The following MINDY4 variants were observed in gnomAD, a reference collection of about 807,000 sequenced individuals.
The protein encoded by MINDY4 is MINDY lysine 48 deubiquitinase 4.
MINDY4 carries 68 observed loss-of-function variants against 87.0 expected under a neutral mutation model. The ratio of observed to expected loss-of-function variants is 0.78; its 90% CI spans 0.64 to 0.96. The LOEUF is 0.96. Ranked by LOEUF, MINDY4 falls within the 40% of genes least tolerant of loss-of-function variation. The pLI, the probability that MINDY4 is intolerant of heterozygous loss-of-function variation, is 0.00. For synonymous variants in MINDY4, 379 were observed against 363.2 expected (o/e 1.04, Z -0.50); for missense variants, 919 against 928.2 (o/e 0.99, Z 0.13).
At chr7:30,837,054 G>T (rs183598653) in intron 7 of MINDY4, among the ~76,000 whole-genome samples, 1 of 152,164 alleles carries the variant, frequency 6.6e-6, no homozygotes, top group East Asian at 1.9e-4. Flanking sequence ...TGTGGGCACC[G>T]TTAGGGTGTG....
At chr7:30,820,830 C>G (rs1356074275) in intron 5 of MINDY4, among the ~76,000 whole-genome samples, 1 of 152,190 alleles carries the variant, frequency 6.6e-6, no homozygotes, top group African/African-American at 2.4e-5. Context: ...GTTTGAGTCC[C>G]TGTTTTCAGT....
intron 4 of MINDY4, among the ~76,000 whole-genome samples, chr7:30,787,404 C>G (rs994202424): frequency 2.6e-5 from 4 of 152,182 alleles, no homozygotes; most frequent in Non-Finnish European, 1.5e-5. Flanking sequence ...GATGTTTAAT[C>G]TTGTGGGAGG....
intron 1 of MINDY4, among the ~76,000 whole-genome samples, chr7:30,776,895 A>T (rs1181312234): frequency 6.6e-6 from 1 of 152,134 alleles, no homozygotes; most frequent in African/African-American, 2.4e-5. Context: ...GGGCGAATGA[A>T]GTTTGAATGG....
chr7:30,873,796 C>T (rs776934205), intron 14 of MINDY4, among the ~76,000 whole-genome samples: 3 of 152,164 alleles, frequency 2.0e-5, no homozygotes, highest in Non-Finnish European at 4.4e-5. Flanking sequence ...GATGGGAAAA[C>T]TCGAACTTGC....
chr7:30,873,829 C>T (rs1243577836), intron 14 of MINDY4, among the ~76,000 whole-genome samples: 3 of 152,206 alleles, frequency 2.0e-5, no homozygotes, highest in Non-Finnish European at 4.4e-5. Context: ...GTGCCTTTCT[C>T]AGCAGCTGCT....
intron 6 of MINDY4, among the ~76,000 whole-genome samples, chr7:30,830,464 G>A (rs971525681): frequency 6.6e-6 from 1 of 152,204 alleles, no homozygotes; most frequent in Non-Finnish European, 1.5e-5. Context: ...TTGACTCACA[G>A]TTCAGCATGG....
intron 15 of MINDY4, among the ~76,000 whole-genome samples, chr7:30,876,289 C>T (rs535881399): frequency 6.6e-6 from 1 of 152,260 alleles, no homozygotes; most frequent in South Asian, 2.1e-4. Flanking sequence ...TGTGTCTTTT[C>T]TTATACAGAC....
chr7:30,826,697 T>A (rs1027383366), intron 5 of MINDY4, among the ~76,000 whole-genome samples: 19 of 152,188 alleles, frequency 1.2e-4, no homozygotes, highest in African/African-American at 4.3e-4. Flanking sequence ...CGCCTGGGTT[T>A]AAATTCCTGT....
chr7:30,837,792 C>T (rs1402074967), intron 7 of MINDY4, among the ~76,000 whole-genome samples: 2 of 152,214 alleles, frequency 1.3e-5, no homozygotes, highest in Non-Finnish European at 2.9e-5. Context: ...CACGTGGCCT[C>T]TGGAAAGCAG....
At position 30,840,404 on chromosome 7, in the gene MINDY4, C is replaced by G. The variant is rs1157552878; in HGVS notation, c.1357-356C>G. Among the ~76,000 whole-genome samples the G allele has an allele frequency of 2.6e-5, 4 of 152,306 alleles. No homozygotes were observed. The East Asian group carries it at 7.7e-4, about 29-fold the overall frequency. On this transcript the variant is annotated intron_variant, in intron 8 of 17. Transcript: ENST00000265299. ...AGAACTTTAGGATGGGCCTTGAAGG[C>G]TGGGTAGACAATTAACACCCTCAAC...
Position 30,856,213 on chromosome 7 carries a change from T to C in MINDY4, c.1677+2754T>C, listed in dbSNP as rs182692386. 8.1e-4 allele frequency among the ~76,000 whole-genome samples: 123 copies of C among 152,110 alleles called. 1 individual carries two copies. The highest frequency in any genetic ancestry group is 2.8e-3 in the African/African-American group (116 of 41,364). On this transcript the variant is annotated intron_variant, in intron 12 of 17. Transcript: ENST00000265299. Reference sequence around the variant, plus strand: ...AGTGGCACCACTTTCTAGACCCTGATGGCAGTTTTCAGGCCAGTTGCCTTG... The same window carrying C: ...AGTGGCACCACTTTCTAGACCCTGACGGCAGTTTTCAGGCCAGTTGCCTTG...
At chr7:30,866,076 G>C (rs955726037) in intron 13 of MINDY4, among the ~76,000 whole-genome samples, 1 of 152,226 alleles carries the variant, frequency 6.6e-6, no homozygotes, top group Non-Finnish European at 1.5e-5. Flanking sequence ...CAGCCACTGA[G>C]CTGTGAGGAC....
At chr7:30,835,077 C>T (rs1394150253) in intron 6 of MINDY4, among the ~76,000 whole-genome samples, 1 of 152,244 alleles carries the variant, frequency 6.6e-6, no homozygotes, top group Non-Finnish European at 1.5e-5. Context: ...TTTCGGATAT[C>T]TTTTCAGCAG....
At chr7:30,890,883 A>G (rs1790775853) in intron 17 of MINDY4, among the ~76,000 whole-genome samples, 1 of 152,184 alleles carries the variant, frequency 6.6e-6, no homozygotes, top group African/African-American at 2.4e-5. Context: ...TTACTTTGGG[A>G]GAACCTGTTC....
chr7:30,843,730 C>T (rs903301781), intron 9 of MINDY4, among the ~76,000 whole-genome samples: 6 of 151,710 alleles, frequency 4.0e-5, no homozygotes, highest in African/African-American at 1.5e-4. Context: ...AACTGCTAAG[C>T]TGGAGGAGTG....
At chr7:30,859,156 C>T (rs763786587) in intron 12 of MINDY4, 101 bp from the exon 13 acceptor site, 4 of 1,208,010 alleles carry the variant, frequency 3.3e-6, no homozygotes, top group Admixed American at 1.8e-5. Flanking sequence ...GCAGTTGGCT[C>T]AGGGCAGGCT....
At chr7:30,801,741 A>G (rs1787657208) in intron 5 of MINDY4, among the ~76,000 whole-genome samples, 2 of 152,158 alleles carry the variant, frequency 1.3e-5, no homozygotes, top group Admixed American at 6.5e-5. Context: ...CTTCAGTTCC[A>G]TGGTTTCCAA....
chr7:30,772,078 G>A lies in MINDY4; in HGVS notation c.63+522G>A, dbSNP rs1037662847. Among the ~76,000 whole-genome samples the A allele has an allele frequency of 5.9e-5, 9 of 152,330 alleles. No homozygotes were observed. The East Asian group carries it at 1.7e-3, about 29-fold the overall frequency. On this transcript the variant is annotated intron_variant, in intron 1 of 17. Coordinates refer to ENST00000265299, the MANE Select transcript of MINDY4 (RefSeq NM_032222.3). ...TTTAATTTTTGTAAGTTTTCCTATT[G>A]TCTTGTCCCAGGAGAGTTTTTGCAG... is the stretch of plus-strand genomic sequence containing the variant.
chr7:30,836,843 C>A, intron 7 of MINDY4, 79 bp downstream of exon 7: 1 of 1,049,666 alleles, frequency 9.5e-7, no homozygotes, highest in Non-Finnish European at 1.4e-6. Flanking sequence ...TGTTTCTGCC[C>A]CAATCCAGCT....
Sources: allele counts gnomAD v4.1 joint callset (sites outside exome capture counted in the v4.1 genomes callset), GRCh38; gene constraint gnomAD v4.1.1; transcripts MANE v1.5; gene names NCBI Gene and HGNC (gene_info 2026-07-23, HGNC 2026-07-21).